Variants in PLEKHG4B observed in about 807,000 individuals in gnomAD.
The protein encoded by PLEKHG4B is pleckstrin homology domain-containing family G member 4B.
In PLEKHG4B, 111 loss-of-function variants were observed where a neutral mutation model predicts 121.3. The observed-to-expected ratio is 0.92, with a 90% confidence interval of 0.78 to 1.07. PLEKHG4B has a LOEUF of 1.07. PLEKHG4B is among the 50% of genes least tolerant of loss of function. The probability of loss-of-function intolerance (pLI) is 0.00; values close to 1 mark genes in which losing one functional copy is unlikely to be tolerated. For missense variants in PLEKHG4B, 1,831 were observed against 1,757.8 expected (o/e 1.04, Z -0.74); for synonymous variants, 738 against 725.0 (o/e 1.02, Z -0.29).
intron 3 of PLEKHG4B, among the ~76,000 whole-genome samples, chr5:141,785 A>G (rs1055253580): frequency 1.3e-5 from 2 of 151,264 alleles, no homozygotes; most frequent in Admixed American, 6.6e-5. Context: ...GAAAGAAGGA[A>G]AAAATGTGAA....
chr5:118,865 T>C (rs1024368725), intron 2 of PLEKHG4B, among the ~76,000 whole-genome samples: 2 of 151,804 alleles, frequency 1.3e-5, no homozygotes. Context: ...CTTTTTTTTT[T>C]TTTGAGACAG....
intron 2 of PLEKHG4B, among the ~76,000 whole-genome samples, chr5:130,606 A>G (rs935767022): frequency 3.3e-5 from 5 of 152,244 alleles, no homozygotes; most frequent in African/African-American, 1.2e-4. Context: ...GTGAAAGCTC[A>G]TTATAAAGCG....
Position 154,986 on chromosome 5 carries a change from C to A in PLEKHG4B, c.2104C>A (p.Arg702Ser). The A allele has an allele frequency of 6.2e-7, 1 of 1,611,356 alleles. No homozygotes were observed. Among genetic ancestry groups the A allele is most frequent in the South Asian group, 1.1e-5 (1 of 91,040 alleles). Residue 702 changes from arginine (R) to serine (S), a missense_variant, in exon 8 of 20, where the codon CGT becomes AGT. Coordinates refer to ENST00000637938, the MANE Select transcript of PLEKHG4B (RefSeq NM_052909.5). ...PYSHGDWICF[R>S]QRLEHFAANC... ...CAGCCATGGTGACTGGATCTGCTTC[C>A]GTCAGGTAGGTTCAGCCTGCAGCTG...
In PLEKHG4B at chr5:156,047, C is replaced by T; in HGVS notation, c.2209-24C>T. ...GCCCCTTGGAGGAGGGAGTTAAAGG[C>T]TTATTCCTCCCCATCCCGTGCAGGA... On this transcript the variant is annotated intron_variant, in intron 9 of 19. Coordinates refer to ENST00000637938, the MANE Select transcript of PLEKHG4B (RefSeq NM_052909.5). The surrounding 1 kb of genome is among the most constrained non-coding windows in gnomAD (Gnocchi z 4.4). 2 of 1,550,714 alleles carry T rather than the reference C, an allele frequency of 1.3e-6. No individual in the cohort carries two copies. The highest frequency in any genetic ancestry group is 8.7e-7 in the Non-Finnish European group (1 of 1,145,764).
At position 189,764 on chromosome 5, in the gene PLEKHG4B, C is replaced by T. The variant is rs1258591070; in HGVS notation, c.*7441C>T. On this transcript the variant is annotated 3_prime_UTR_variant, in exon 20 of 20. Coordinates refer to ENST00000637938, the MANE Select transcript of PLEKHG4B (RefSeq NM_052909.5). ...TGACCTTCCTAGCCATGGTCTCCAC[C>T]CTCCGAGACCCAGGGGCCCCGCAGT... 1 of 152,134 alleles carries T rather than the reference C, an allele frequency of 6.6e-6. No individual in the cohort carries two copies. Among genetic ancestry groups the T allele is most frequent in the Non-Finnish European group, 1.5e-5 (1 of 68,024 alleles). 9.4% of individuals were successfully genotyped at this position (152,134 alleles called of 1,614,324 possible).
Position 139,354 on chromosome 5 carries a change from GC to G in PLEKHG4B, c.244-124del. On this transcript the variant is annotated intron_variant, in intron 2 of 19. Coordinates refer to ENST00000637938, the MANE Select transcript of PLEKHG4B (RefSeq NM_052909.5). The surrounding 1 kb of genome is among the most constrained non-coding windows in gnomAD (Gnocchi z 5.0). ...ATGTTCCAAGGAACAGGACACCCCAGCCCCCGTGAGACCCCTTCCTTGTGGG... is the reference window on the plus strand; with the variant it reads ...ATGTTCCAAGGAACAGGACACCCCAGCCCCGTGAGACCCCTTCCTTGTGGG... 2 of 398,210 alleles carry G rather than the reference GC, an allele frequency of 5.0e-6. No individual in the cohort carries two copies. The highest frequency in any genetic ancestry group is 8.8e-6 in the Non-Finnish European group (2 of 226,362). The allele number at this position is 398,210 out of a possible 1,614,324, so 24.7% of individuals were successfully genotyped here.
At chr5:123,625 T>C (rs1157423369) in intron 2 of PLEKHG4B, among the ~76,000 whole-genome samples, 1 of 152,214 alleles carries the variant, frequency 6.6e-6, no homozygotes, top group Non-Finnish European at 1.5e-5. Flanking sequence ...TAGGAATTAA[T>C]CTAGATTATC....
chr5:172,750 A>G (rs1223721656), intron 16 of PLEKHG4B, 147 bp from the exon 17 acceptor site: 1 of 824,738 alleles, frequency 1.2e-6, no homozygotes, highest in Non-Finnish European at 2.0e-6. Context: ...AACAGCTAAC[A>G]TTAAGGCGGA....
rs1733508402 is a variant in PLEKHG4B, at chr5:183,786, ACCGAC to A, written c.*1465_*1469del. On this transcript the variant is annotated 3_prime_UTR_variant, in exon 20 of 20. Transcript: ENST00000637938. ...AATGGAAGAGATTCAGAAGACCCAGACCGACCTTACAGGGATGAGAAACTACAATA... is the reference window on the plus strand; with the variant it reads ...AATGGAAGAGATTCAGAAGACCCAGACTTACAGGGATGAGAAACTACAATA... 1 of 152,174 alleles carries A rather than the reference ACCGAC, an allele frequency of 6.6e-6. No individual in the cohort carries two copies. Among genetic ancestry groups the A allele is most frequent in the Non-Finnish European group, 1.5e-5 (1 of 68,058 alleles). 9.4% of individuals were successfully genotyped at this position (152,174 alleles called of 1,614,324 possible).
chr5:176,365 C>T (rs1476008091), intron 18 of PLEKHG4B, among the ~76,000 whole-genome samples: 1 of 152,264 alleles, frequency 6.6e-6, no homozygotes, highest in African/African-American at 2.4e-5. Flanking sequence ...CTCTGGTGTT[C>T]CAAGCACCTG....
chr5:128,090 C>T (rs917621350), intron 2 of PLEKHG4B, among the ~76,000 whole-genome samples: 2 of 152,090 alleles, frequency 1.3e-5, no homozygotes, highest in African/African-American at 4.8e-5. Flanking sequence ...CCCTTAGGGA[C>T]AATAGATGAC....
At chr5:118,447 A>G (rs2126364434) in intron 2 of PLEKHG4B, among the ~76,000 whole-genome samples, 1 of 152,352 alleles carries the variant, frequency 6.6e-6, no homozygotes, top group South Asian at 2.1e-4. Flanking sequence ...TTCCAAAGTT[A>G]ACCAAAATCT....
intron 14 of PLEKHG4B, among the ~76,000 whole-genome samples, chr5:170,819 T>C (rs139310072): frequency 1.6e-4 from 24 of 152,214 alleles, no homozygotes; most frequent in African/African-American, 5.8e-4. Flanking sequence ...ATTCTCAGCA[T>C]TGAGGCTTCA....
intron 1 of PLEKHG4B, among the ~76,000 whole-genome samples, chr5:97,211 C>A (rs1015700720): frequency 6.6e-6 from 1 of 151,578 alleles, no homozygotes; most frequent in Non-Finnish European, 1.5e-5. Context: ...ATTCCAAAGT[C>A]CAAACCCCTT....
chr5:141,815 G>C (rs1185986499), intron 3 of PLEKHG4B, among the ~76,000 whole-genome samples: 1 of 148,870 alleles, frequency 6.7e-6, no homozygotes, highest in African/African-American at 2.5e-5. Flanking sequence ...GTAGGCTCCA[G>C]CAAGTAGGGC....
rs1005624448 is a variant in PLEKHG4B at position 137,348 on chromosome 5, G to A, written c.244-2135G>A. ...AGATGGTGGTGATGGTTACATAACC[G>A]TGTGAATGTACTTAATGCCACTGAA... is the stretch of plus-strand genomic sequence containing the variant. On this transcript the variant is annotated intron_variant, in intron 2 of 19. Coordinates refer to ENST00000637938, the MANE Select transcript of PLEKHG4B (RefSeq NM_052909.5). This position sits in a 1 kb window ranked among gnomAD's most constrained non-coding sequence, Gnocchi z 4.2. Among the ~76,000 whole-genome samples, 21 of 152,154 alleles carry A rather than the reference G, an allele frequency of 1.4e-4. No homozygotes were observed. Among genetic ancestry groups the A allele is most frequent in the African/African-American group, 3.4e-4 (14 of 41,422 alleles).
intron 18 of PLEKHG4B, among the ~76,000 whole-genome samples, chr5:180,505 G>A (rs1444419416): frequency 6.6e-6 from 1 of 152,220 alleles, no homozygotes; most frequent in African/African-American, 2.4e-5. Flanking sequence ...GGGTAGAAAG[G>A]TGTCAAGTTT....
At chr5:170,726 C>T (rs970535803) in intron 14 of PLEKHG4B, among the ~76,000 whole-genome samples, 3 of 152,168 alleles carry the variant, frequency 2.0e-5, no homozygotes, top group Non-Finnish European at 4.4e-5. Context: ...CAATGCCCCC[C>T]ACGCCCTCCC....
At chr5:128,390 G>A (rs1338364653) in intron 2 of PLEKHG4B, among the ~76,000 whole-genome samples, 1 of 152,182 alleles carries the variant, frequency 6.6e-6, no homozygotes, top group Admixed American at 6.5e-5. Flanking sequence ...AGAATTTATG[G>A]TTTGTAGGGC....
Sources: gnomAD v4.1 joint callset for allele counts (sites outside exome capture counted in the v4.1 genomes callset) on GRCh38, gnomAD v4.1.1 for gene constraint, Gnocchi (gnomAD v3.1) non-coding constraint, MANE v1.5 for transcripts, NCBI Gene and HGNC (gene_info 2026-07-23, HGNC 2026-07-21) for gene names.